The following SKIC3 variants were observed in gnomAD, a reference collection of about 807,000 sequenced individuals.
The protein encoded by SKIC3 is SKI3 subunit of superkiller complex, also known as superkiller complex protein 3.
chr5:95,483,206 A>G, the SKIC3 span, among the ~76,000 whole-genome samples: 14 of 152,130 alleles, frequency 9.2e-5, no homozygotes, highest in Non-Finnish European at 1.9e-4. Context: ...TATTGTATAT[A>G]CTTATATTCT....
the SKIC3 span, among the ~76,000 whole-genome samples, chr5:95,547,558 T>C: frequency 6.6e-6 from 1 of 152,160 alleles, no homozygotes; most frequent in Non-Finnish European, 1.5e-5. Flanking sequence ...AGAATTTTTT[T>C]TTTCACTGCC....
chr5:95,495,065 G>T, the SKIC3 span: 1 of 1,587,842 alleles, frequency 6.3e-7, no homozygotes, highest in South Asian at 1.1e-5. Context: ...AAACTTTCAT[G>T]AAAAAGAAAA....
chr5:95,466,350 C>T, the SKIC3 span, among the ~76,000 whole-genome samples: 17 of 152,090 alleles, frequency 1.1e-4, no homozygotes, highest in African/African-American at 4.1e-4. Flanking sequence ...GATTCTGTTA[C>T]CTCTAACTCC....
At chr5:95,494,542 G>T in the SKIC3 span, 1 of 831,864 alleles carries the variant, frequency 1.2e-6, no homozygotes, top group Admixed American at 2.2e-5. Context: ...TGTTGTAGAA[G>T]ATCTAAATTA....
chr5:95,476,917 A>C, the SKIC3 span, among the ~76,000 whole-genome samples: 1 of 152,216 alleles, frequency 6.6e-6, no homozygotes, highest in South Asian at 2.1e-4. Context: ...CCTAGCGCAG[A>C]CTAAGTGCTA....
At chr5:95,472,542 G>A in the SKIC3 span, among the ~76,000 whole-genome samples, 3 of 152,032 alleles carry the variant, frequency 2.0e-5, no homozygotes, top group South Asian at 2.1e-4. Flanking sequence ...GTATCTGTCT[G>A]TAGAAGCATG....
the SKIC3 span, among the ~76,000 whole-genome samples, chr5:95,536,181 T>C: frequency 6.6e-6 from 1 of 152,150 alleles, no homozygotes; most frequent in African/African-American, 2.4e-5. Context: ...TACATGAAGA[T>C]ACAAGAGCAT....
the SKIC3 span, chr5:95,484,750 A>T: frequency 6.2e-7 from 1 of 1,614,054 alleles, no homozygotes; most frequent in Non-Finnish European, 8.5e-7. Flanking sequence ...TCAGCTTCAG[A>T]TATTCTTCCT....
At chr5:95,473,624 G>A in the SKIC3 span, among the ~76,000 whole-genome samples, 1 of 152,120 alleles carries the variant, frequency 6.6e-6, no homozygotes, top group Non-Finnish European at 1.5e-5. Context: ...GGTGTGAAAT[G>A]GTGTTTCAGT....
the SKIC3 span, chr5:95,507,120 G>C: frequency 3.1e-6 from 3 of 981,452 alleles, no homozygotes; most frequent in Non-Finnish European, 4.7e-6. Flanking sequence ...CTAATTCTTT[G>C]GTGCTAGTTA....
chr5:95,544,171 G>T, the SKIC3 span, among the ~76,000 whole-genome samples: 1 of 152,118 alleles, frequency 6.6e-6, no homozygotes, highest in African/African-American at 2.4e-5. Flanking sequence ...CACAAATTGG[G>T]TCATTCTTGT....
chr5:95,465,798 T>G, the SKIC3 span, among the ~76,000 whole-genome samples: 7 of 152,328 alleles, frequency 4.6e-5, no homozygotes, highest in Middle Eastern at 3.4e-3. Flanking sequence ...GACAGGAATA[T>G]CTACCCTTTG....
At chr5:95,467,863 T>C in the SKIC3 span, 1 of 1,613,516 alleles carries the variant, frequency 6.2e-7, no homozygotes, top group Non-Finnish European at 8.5e-7. Context: ...ATCAATGCCT[T>C]ACGTCAATAA....
the SKIC3 span, chr5:95,478,273 T>C: frequency 6.2e-7 from 1 of 1,613,398 alleles, no homozygotes; most frequent in Admixed American, 1.7e-5. Flanking sequence ...ATGATCATAA[T>C]TATAACATGA....
chr5:95,527,060 T>C, the SKIC3 span, among the ~76,000 whole-genome samples: 1 of 152,218 alleles, frequency 6.6e-6, no homozygotes, highest in Non-Finnish European at 1.5e-5. Context: ...TTTAAAATAT[T>C]TGATCTGTTT....
the SKIC3 span, among the ~76,000 whole-genome samples, chr5:95,500,663 T>C: frequency 1.3e-5 from 2 of 152,194 alleles, no homozygotes; most frequent in Admixed American, 6.5e-5. Flanking sequence ...TAAGTACATC[T>C]ATCGGTGAAG....
the SKIC3 span, among the ~76,000 whole-genome samples, chr5:95,502,678 G>A: frequency 2.0e-5 from 3 of 152,024 alleles, no homozygotes; most frequent in East Asian, 1.9e-4. Flanking sequence ...GGACAGTTTC[G>A]AAGAATCCAA....
At chr5:95,464,613 T>C in the SKIC3 span, 4 of 1,611,314 alleles carry the variant, frequency 2.5e-6, no homozygotes, top group East Asian at 6.7e-5. Flanking sequence ...AATGTTATTG[T>C]GAGGACAATC....
chr5:95,475,828 T>C, the SKIC3 span, among the ~76,000 whole-genome samples: 4 of 152,326 alleles, frequency 2.6e-5, no homozygotes, highest in South Asian at 2.1e-4. Context: ...ATCCAGTAGA[T>C]AGCTAGTGCA....
Sources: allele counts gnomAD v4.1 joint callset (sites outside exome capture counted in the v4.1 genomes callset), GRCh38; gene constraint gnomAD v4.1.1; transcripts MANE v1.5; gene names NCBI Gene and HGNC (gene_info 2026-07-23, HGNC 2026-07-21).